The following PALM variants were observed in gnomAD, a reference collection of about 807,000 sequenced individuals.
The protein encoded by PALM is paralemmin-1.
Under a neutral mutation model 30.7 loss-of-function variants are expected in PALM, and 18 were observed. The ratio of observed to expected loss-of-function variants is 0.59; its 90% confidence interval spans 0.41 to 0.87. The LOEUF is 0.87. Among genes scored for constraint, PALM ranks in the 40% least tolerant of loss-of-function variants. The pLI, the probability that PALM is intolerant of heterozygous loss-of-function variation, is 0.00. For synonymous variants in PALM, 286 were observed against 242.8 expected (o/e 1.18, Z -1.66); for missense variants, 529 against 555.4 (o/e 0.95, Z 0.48).
chr19:732,862 G>T (rs1410001899), intron 5 of PALM, among the ~76,000 whole-genome samples: 4 of 152,006 alleles, frequency 2.6e-5, no homozygotes, highest in Admixed American at 6.6e-5. Flanking sequence ...GGGAGGGCTG[G>T]GCAGGCGACC....
chr19:735,920 C>G, intron 6 of PALM, 99 bp from the exon 7 acceptor site: 1 of 967,468 alleles, frequency 1.0e-6, no homozygotes. Flanking sequence ...ATGTGGGAGT[C>G]CGGATGCACT....
rs1185593794 is a variant in PALM at position 742,764 on chromosome 19, A to G, written c.634+2281A>G. Among the ~76,000 whole-genome samples the G allele has an allele frequency of 6.6e-6, 1 of 152,030 alleles. No individual in the cohort carries two copies. Among genetic ancestry groups the G allele is most frequent in the Non-Finnish European group, 1.5e-5 (1 of 68,004 alleles). On this transcript the variant is annotated intron_variant, in intron 8 of 8. Transcript: ENST00000338448. This position sits in a 1 kb window ranked among gnomAD's most constrained non-coding sequence, Gnocchi z 5.5. ...CCTTTTCATGGCTGAATACTATTCCACGGGTTGGGTGGGCCATGGTGGGTT... is the reference window on the plus strand; with the variant it reads ...CCTTTTCATGGCTGAATACTATTCCGCGGGTTGGGTGGGCCATGGTGGGTT...
intron 2 of PALM, 38 bp from the exon 3 acceptor site, chr19:726,970 C>T: frequency 8.1e-7 from 1 of 1,237,642 alleles, no homozygotes; most frequent in Non-Finnish European, 1.1e-6. Flanking sequence ...TCCGGGACCC[C>T]CACGCCCATC....
At chr19:737,281 C>T (rs576390534) in intron 7 of PALM, among the ~76,000 whole-genome samples, 54 of 152,358 alleles carry the variant, frequency 3.5e-4, no homozygotes, top group South Asian at 8.3e-4. Context: ...CCCAGGTCCC[C>T]CGCTGATCCC....
At chr19:725,169 G>A (rs1231115447) in intron 1 of PALM, among the ~76,000 whole-genome samples, 1 of 150,770 alleles carries the variant, frequency 6.6e-6, no homozygotes, top group Non-Finnish European at 1.5e-5. Context: ...CAAGTGATCC[G>A]CCTGCCTCAG....
chr19:726,045 C>A (rs2032649757), intron 1 of PALM, 93 bp from the exon 2 acceptor site: 1 of 969,236 alleles, frequency 1.0e-6, no homozygotes, highest in Non-Finnish European at 1.7e-6. Context: ...CCCTGGTTAC[C>A]CCTAGGGGAA....
intron 1 of PALM, chr19:719,352 C>T (rs1006442129): frequency 1.0e-6 from 1 of 985,376 alleles, no homozygotes; most frequent in Non-Finnish European, 1.2e-6. Flanking sequence ...GAACTCATCT[C>T]CTGGAGCAGG....
intron 1 of PALM, among the ~76,000 whole-genome samples, chr19:721,347 C>T (rs1219816269): frequency 6.6e-6 from 1 of 152,030 alleles, no homozygotes; most frequent in African/African-American, 2.4e-5. Context: ...CTCACTGCAA[C>T]CTCCACCTCC....
intron 7 of PALM, among the ~76,000 whole-genome samples, chr19:740,062 G>A (rs949692619): frequency 2.6e-5 from 4 of 152,232 alleles, no homozygotes; most frequent in Admixed American, 1.3e-4. Flanking sequence ...CGAAACAGAG[G>A]ACACAGTGCA....
intron 1 of PALM, among the ~76,000 whole-genome samples, chr19:715,029 C>T (rs867227591): frequency 3.9e-5 from 6 of 152,128 alleles, no homozygotes; most frequent in South Asian, 2.1e-4. Flanking sequence ...TTTGGAAGGC[C>T]GAGGCAGGAG....
chr19:723,095 G>A (rs1483585353), intron 1 of PALM, among the ~76,000 whole-genome samples: 2 of 151,990 alleles, frequency 1.3e-5, no homozygotes, highest in African/African-American at 2.4e-5. Flanking sequence ...GGGTGAGCCA[G>A]TGCACTGTGC....
intron 1 of PALM, 125 bp from the exon 2 acceptor site, chr19:726,013 G>A: frequency 1.3e-6 from 1 of 744,794 alleles, no homozygotes. Flanking sequence ...GGGAAACTGG[G>A]GTTCAGAGAT....
chr19:713,908 CTTTTTTTT>C (rs200551039), intron 1 of PALM, among the ~76,000 whole-genome samples: 2 of 123,840 alleles, frequency 1.6e-5, no homozygotes, highest in South Asian at 2.7e-4. Context: ...TTCTTTCTTT[CTTTTTTTT>C]TTTTTTGAGA....
intron 1 of PALM, among the ~76,000 whole-genome samples, chr19:721,257 AATT>A (rs765891066): frequency 1.3e-5 from 2 of 151,920 alleles, no homozygotes; most frequent in African/African-American, 2.4e-5. Flanking sequence ...GGGTCTGATT[AATT>A]ATTATTATTA....
In PALM at chr19:727,218, C is replaced by T. The variant is rs1176988007; in HGVS notation, c.138+130C>T. 1.2e-5 allele frequency: 8 copies of T among 646,472 alleles called. No individual in the cohort carries two copies. The African/African-American group carries it at 1.3e-4, about 11-fold the overall frequency. The allele number at this position is 646,472 out of a possible 1,614,324, so 40.0% of individuals were successfully genotyped here. On this transcript the variant is annotated intron_variant, in intron 3 of 8. Transcript: ENST00000338448. ...CCTGACCCTGCCTCCAGCCCTGACCCTGACCCCGACCCTGACCCCGACCCC... is the reference window on the plus strand; with the variant it reads ...CCTGACCCTGCCTCCAGCCCTGACCTTGACCCCGACCCTGACCCCGACCCC...
At chr19:735,893 G>A in intron 6 of PALM, 126 bp from the exon 7 acceptor site, 3 of 747,846 alleles carry the variant, frequency 4.0e-6, no homozygotes, top group Non-Finnish European at 6.6e-6. Flanking sequence ...GGGTCTGGGT[G>A]TCAAAGGCCC....
At chr19:736,905 T>G (rs2033039989) in intron 7 of PALM, among the ~76,000 whole-genome samples, 1 of 151,968 alleles carries the variant, frequency 6.6e-6, no homozygotes, top group Non-Finnish European at 1.5e-5. Context: ...ATACAAAAAT[T>G]AGCCGGGCAT....
Position 727,709 on chromosome 19 carries a change from G to A in PALM, c.269+15G>A, listed in dbSNP as rs541987692. The stretch of plus-strand genomic sequence containing the variant: ...TCGGTGTCCAGGTGGGGGCTGCAGC[G>A]TGGGTGCCACCGGGCTGGGTGGGGC... On this transcript the variant is annotated intron_variant, in intron 4 of 8. Transcript: ENST00000338448. 2.3e-5 allele frequency: 35 copies of A among 1,540,146 alleles called. No individual in the cohort carries two copies. Among genetic ancestry groups the A allele is most frequent in the Middle Eastern group, 3.7e-4 (2 of 5,342 alleles).
At chr19:727,951 T>G in intron 4 of PALM, 1 of 434,406 alleles carries the variant, frequency 2.3e-6, no homozygotes, top group Non-Finnish European at 4.1e-6. Flanking sequence ...CCCTTTCCCT[T>G]CCCACCGCCC....
Sources: gnomAD v4.1 joint callset for allele counts (sites outside exome capture counted in the v4.1 genomes callset) on GRCh38, gnomAD v4.1.1 for gene constraint, Gnocchi (gnomAD v3.1) non-coding constraint, MANE v1.5 for transcripts, NCBI Gene and HGNC (gene_info 2026-07-23, HGNC 2026-07-21) for gene names.